Variants in THRB observed in about 807,000 individuals in gnomAD.
The protein encoded by THRB is nuclear receptor subfamily 1 group A member 2.
A neutral mutation model predicts 47.8 loss-of-function variants in THRB; 12 were observed. The ratio of observed to expected loss-of-function variants is 0.25; its 90% CI spans 0.16 to 0.41. The LOEUF (loss-of-function observed/expected upper bound fraction) is 0.41, where lower values mean the gene tolerates loss of function less well. THRB is among the 10% of genes least tolerant of loss of function. The pLI is 1.00. For missense variants in THRB, 348 were observed against 589.2 expected, an observed-to-expected ratio of 0.59 and a Z score of 4.24; for synonymous variants, 218 against 212.2, an observed-to-expected ratio of 1.03 and a Z score of -0.24.
chr3:24,243,635 C>T (rs895256291), intron 3 of THRB, among the ~76,000 whole-genome samples: 9 of 152,098 alleles, frequency 5.9e-5, no homozygotes, highest in Non-Finnish European at 1.3e-4. Flanking sequence ...CCCAATACCC[C>T]TTATCTTCCT....
intron 3 of THRB, among the ~76,000 whole-genome samples, chr3:24,247,823 T>C (rs2050255092): frequency 6.6e-6 from 1 of 152,166 alleles, no homozygotes; most frequent in Non-Finnish European, 1.5e-5. Context: ...AAGAATTTTC[T>C]ACAATTTTTC....
intron 1 of THRB, among the ~76,000 whole-genome samples, chr3:24,423,623 T>C (rs961787770): frequency 2.0e-5 from 3 of 151,840 alleles, no homozygotes; most frequent in African/African-American, 7.2e-5. Flanking sequence ...ACTAATGCCT[T>C]ATATGTGAAG....
At chr3:24,457,445 T>C (rs555008487) in intron 1 of THRB, among the ~76,000 whole-genome samples, 9 of 152,344 alleles carry the variant, frequency 5.9e-5, no homozygotes, top group African/African-American at 1.9e-4. Context: ...TCTTCTAGTC[T>C]GACTCTGACC....
chr3:24,465,699 C>T (rs750602283), intron 1 of THRB, among the ~76,000 whole-genome samples: 3 of 152,234 alleles, frequency 2.0e-5, no homozygotes, highest in East Asian at 1.9e-4. Context: ...TCAGCGCACC[C>T]GGCCTAGAAT....
chr3:24,276,179 C>T (rs550235781), intron 3 of THRB, among the ~76,000 whole-genome samples: 157 of 152,138 alleles, frequency 1.0e-3, no homozygotes, highest in Middle Eastern at 3.4e-3. Flanking sequence ...TTGTTTTTAG[C>T]AGTTGCTAAA....
chr3:24,151,751 T>A (rs1358907233), intron 6 of THRB, among the ~76,000 whole-genome samples: 1 of 152,212 alleles, frequency 6.6e-6, no homozygotes, highest in African/African-American at 2.4e-5. Context: ...TTTCAGGAAG[T>A]GAATGGACTG....
At chr3:24,477,510 A>G (rs2125833070) in intron 1 of THRB, among the ~76,000 whole-genome samples, 1 of 152,180 alleles carries the variant, frequency 6.6e-6, no homozygotes, top group East Asian at 1.9e-4. Context: ...TAGATTCTGT[A>G]TTTCTAATCA....
chr3:24,303,359 A>C (rs1334574237), intron 2 of THRB, among the ~76,000 whole-genome samples: 1 of 152,112 alleles, frequency 6.6e-6, no homozygotes, highest in Non-Finnish European at 1.5e-5. Flanking sequence ...CTCACACTAG[A>C]CTTGCTCTTG....
intron 1 of THRB, among the ~76,000 whole-genome samples, chr3:24,466,325 T>G (rs903925301): frequency 6.6e-6 from 1 of 152,156 alleles, no homozygotes. Flanking sequence ...AATTTTATCT[T>G]TTACTTGTAG....
intron 5 of THRB, among the ~76,000 whole-genome samples, chr3:24,186,005 A>G (rs1411110983): frequency 1.3e-5 from 2 of 152,216 alleles, no homozygotes; most frequent in East Asian, 1.9e-4. Context: ...GCCCAAAGAC[A>G]GGCCCAACCA....
chr3:24,253,043 C>T (rs2050824527), intron 3 of THRB, among the ~76,000 whole-genome samples: 1 of 151,170 alleles, frequency 6.6e-6, no homozygotes, highest in Non-Finnish European at 1.5e-5. Context: ...CAATACAATA[C>T]AATACAATAC....
intron 7 of THRB, chr3:24,144,872 G>A (rs893230367): frequency 6.6e-6 from 1 of 151,770 alleles, no homozygotes; most frequent in Non-Finnish European, 1.5e-5. Context: ...ACTGTCCTAG[G>A]GCCATTTCTT....
chr3:24,236,456 T>C (rs1445063251), intron 3 of THRB, among the ~76,000 whole-genome samples: 1 of 151,502 alleles, frequency 6.6e-6, no homozygotes, highest in Admixed American at 6.6e-5. Flanking sequence ...TTTATTATTA[T>C]AGGCATCATC....
At chr3:24,468,033 T>C (rs1307561900) in intron 1 of THRB, among the ~76,000 whole-genome samples, 1 of 152,250 alleles carries the variant, frequency 6.6e-6, no homozygotes, top group Admixed American at 6.5e-5. Flanking sequence ...CTACATCTTC[T>C]GGATAATTTG....
At chr3:24,278,226 T>C (rs1350215172) in intron 3 of THRB, among the ~76,000 whole-genome samples, 3 of 152,228 alleles carry the variant, frequency 2.0e-5, no homozygotes, top group Non-Finnish European at 2.9e-5. Flanking sequence ...ATATATGAAG[T>C]ATATAAAAGC....
intron 3 of THRB, among the ~76,000 whole-genome samples, chr3:24,242,086 C>T (rs779711628): frequency 8.5e-5 from 13 of 152,192 alleles, no homozygotes; most frequent in African/African-American, 1.4e-4. Context: ...ACTCCCTTGG[C>T]GTGCCACCTC....
intron 3 of THRB, among the ~76,000 whole-genome samples, chr3:24,237,757 T>C (rs2049020757): frequency 6.6e-6 from 1 of 152,010 alleles, no homozygotes; most frequent in African/African-American, 2.4e-5. Flanking sequence ...CAATGCTGGG[T>C]TCTGGGGCTA....
chr3:24,232,484 G>C (rs1345993512), intron 3 of THRB, among the ~76,000 whole-genome samples: 1 of 152,194 alleles, frequency 6.6e-6, no homozygotes, highest in East Asian at 1.9e-4. Flanking sequence ...GAGTGGAGGT[G>C]ACCCCAGACC....
chr3:24,151,492 A>C (rs2036931736), intron 6 of THRB, among the ~76,000 whole-genome samples: 1 of 152,210 alleles, frequency 6.6e-6, no homozygotes, highest in Non-Finnish European at 1.5e-5. Flanking sequence ...ATTTAGTTTT[A>C]AATATAAGAG....
Sources: allele counts gnomAD v4.1 joint callset (sites outside exome capture counted in the v4.1 genomes callset), GRCh38; gene constraint gnomAD v4.1.1; transcripts MANE v1.5; gene names NCBI Gene and HGNC (gene_info 2026-07-23, HGNC 2026-07-21).